The following KIAA1328 variants were observed in gnomAD, a reference collection of about 807,000 sequenced individuals.
KIAA1328 encodes KIAA1328.
Under a neutral mutation model 68.1 loss-of-function variants are expected in KIAA1328, and 52 were observed. The observed-to-expected ratio is 0.76, with a 90% CI of 0.61 to 0.96. The LOEUF (loss-of-function observed/expected upper bound fraction) is 0.96. KIAA1328 is among the 40% of genes least tolerant of loss of function. The probability of loss-of-function intolerance (pLI) is 0.00; values close to 1 mark genes in which losing one functional copy is unlikely to be tolerated. For synonymous variants in KIAA1328, 232 were observed against 239.4 expected (o/e 0.97, Z 0.28); for missense variants, 641 against 677.6 (o/e 0.95, Z 0.60).
Position 37,160,211 on chromosome 18 carries a change from C to T in KIAA1328, c.1244C>T (p.Ser415Leu), listed in dbSNP as rs2059248054. The stretch of plus-strand genomic sequence containing the variant: ...CGTTGTTCTTTCAGTTTATTGAAGT[C>T]AAACTGTGATGGCTGGCTGCTTGGA... ...SRLDYNCLLK[S>L]NCDGWLLGTS... The change falls in exon 8 of 10, where the codon TCA (serine) becomes TTA (leucine). Residue 415 changes from serine (S) to leucine (L), a missense_variant. Coordinates refer to ENST00000280020, the MANE Select transcript of KIAA1328 (RefSeq NM_020776.3). The T allele has an allele frequency of 3.7e-6, 6 of 1,611,664 alleles. No homozygotes were observed. Among genetic ancestry groups the T allele is most frequent in the Non-Finnish European group, 5.1e-6 (6 of 1,178,808 alleles).
chr18:37,223,584 C>T lies in KIAA1328; in HGVS notation c.*1357C>T. 1.0e-6 allele frequency: 1 copy of T among 985,298 alleles called. No homozygotes were observed. Among genetic ancestry groups the T allele is most frequent in the Non-Finnish European group, 1.2e-6 (1 of 829,924 alleles). The allele number at this position is 985,298 out of a possible 1,614,324, so 61.0% of individuals were successfully genotyped here. On this transcript the variant is annotated 3_prime_UTR_variant, in exon 10 of 10. Coordinates refer to ENST00000280020, the MANE Select transcript of KIAA1328 (RefSeq NM_020776.3). ...GTGGCTTTTTTTCTCTCCTTTTTACCAACCCCAACTAAACTGGGAGTAAGA... is the reference window on the plus strand; with the variant it reads ...GTGGCTTTTTTTCTCTCCTTTTTACTAACCCCAACTAAACTGGGAGTAAGA...
chr18:36,865,564 TC>T (rs1417382166), intron 4 of KIAA1328, among the ~76,000 whole-genome samples: 1 of 152,158 alleles, frequency 6.6e-6, no homozygotes, highest in Admixed American at 6.6e-5. Flanking sequence ...TTTAATATAT[TC>T]CCCCCTCGTT....
At chr18:37,027,300 A>T (rs1568309640) in intron 6 of KIAA1328, among the ~76,000 whole-genome samples, 1 of 152,204 alleles carries the variant, frequency 6.6e-6, no homozygotes, top group Non-Finnish European at 1.5e-5. Flanking sequence ...TGCCCAAGGT[A>T]ATTTATAGAT....
chr18:36,917,302 TCACCCTGGCAGCTCAAG>T (rs954844600), intron 5 of KIAA1328, among the ~76,000 whole-genome samples: 2 of 152,168 alleles, frequency 1.3e-5, no homozygotes, highest in African/African-American at 4.8e-5. Context: ...TCTTGCTATG[TCACCCTGGCAGCTCAAG>T]CAATCCTCCT....
chr18:37,059,251 G>A (rs1480667881), intron 6 of KIAA1328, among the ~76,000 whole-genome samples: 1 of 151,814 alleles, frequency 6.6e-6, no homozygotes, highest in Non-Finnish European at 1.5e-5. Context: ...AATAGCCTAA[G>A]TGCAACCTAC....
At chr18:37,054,971 G>T (rs2055851887) in intron 6 of KIAA1328, among the ~76,000 whole-genome samples, 1 of 152,128 alleles carries the variant, frequency 6.6e-6, no homozygotes, top group African/African-American at 2.4e-5. Context: ...TGTGCCTTCT[G>T]TGTGCCTATA....
intron 5 of KIAA1328, among the ~76,000 whole-genome samples, chr18:36,947,617 C>G (rs1568199470): frequency 6.6e-6 from 1 of 152,060 alleles, no homozygotes; most frequent in Non-Finnish European, 1.5e-5. Flanking sequence ...TTTATTATGC[C>G]TCATAGGTGG....
intron 5 of KIAA1328, among the ~76,000 whole-genome samples, chr18:36,929,120 A>G (rs1042407517): frequency 1.3e-5 from 2 of 152,158 alleles, no homozygotes; most frequent in Non-Finnish European, 2.9e-5. Flanking sequence ...TTCACTAAAT[A>G]CTTTAATTAT....
chr18:36,909,799 G>T (rs2049363198), intron 5 of KIAA1328, among the ~76,000 whole-genome samples: 1 of 152,164 alleles, frequency 6.6e-6, no homozygotes, highest in Non-Finnish European at 1.5e-5. Flanking sequence ...AGCACCTGTT[G>T]TTTCCTGACT....
In KIAA1328 at chr18:37,222,087, C is replaced by A; in HGVS notation, c.1594C>A (p.Pro532Thr). The A allele has an allele frequency of 6.2e-7, 1 of 1,613,690 alleles. No homozygotes were observed. The highest frequency in any genetic ancestry group is 8.5e-7 in the Non-Finnish European group (1 of 1,179,816). The change falls in exon 10 of 10, where the codon CCC (proline) becomes ACC (threonine). Residue 532 changes from proline to threonine, a missense_variant. Coordinates refer to ENST00000280020, the MANE Select transcript of KIAA1328 (RefSeq NM_020776.3). ...PNSAPKPQRY[P>T]SREAGAWNHG... is the part of the protein sequence containing the mutation. ...CTCTGCGCCCAAACCTCAGCGCTAT[C>A]CCTCCAGAGAAGCTGGGGCCTGGAA...
At chr18:37,024,208 G>A (rs945842786) in intron 6 of KIAA1328, among the ~76,000 whole-genome samples, 2 of 151,804 alleles carry the variant, frequency 1.3e-5, no homozygotes, top group Non-Finnish European at 2.9e-5. Flanking sequence ...TGATCGGGCT[G>A]GTCCTGAACG....
chr18:36,852,156 T>C lies in KIAA1328; in HGVS notation c.332+7854T>C, dbSNP rs889435791. ...GGTGGAAAAGGTACTTTGTATGTTT[T>C]CAGTCTTTTAAAATATATTGAGACT... On this transcript the variant is annotated intron_variant, in intron 4 of 9. Coordinates refer to ENST00000280020, the MANE Select transcript of KIAA1328 (RefSeq NM_020776.3). Among the ~76,000 whole-genome samples the C allele has an allele frequency of 4.6e-5, 7 of 152,206 alleles. No individual in the cohort carries two copies. In the South Asian group the frequency reaches 1.4e-3, roughly 31 times the overall value.
At chr18:37,099,792 G>C (rs1442470725) in intron 7 of KIAA1328, among the ~76,000 whole-genome samples, 1 of 152,114 alleles carries the variant, frequency 6.6e-6, no homozygotes, top group African/African-American at 2.4e-5. Context: ...AGGATGGTTG[G>C]CTCTTCTTGT....
intron 9 of KIAA1328, among the ~76,000 whole-genome samples, chr18:37,208,571 A>G (rs2060258563): frequency 6.6e-6 from 1 of 152,204 alleles, no homozygotes. Context: ...TGAGGATGAC[A>G]GAGCAGACGA....
chr18:37,057,992 T>C (rs948950400), intron 6 of KIAA1328, among the ~76,000 whole-genome samples: 1 of 152,102 alleles, frequency 6.6e-6, no homozygotes, highest in African/African-American at 2.4e-5. Flanking sequence ...AAGATAGTCA[T>C]AGGTAAAGAG....
intron 7 of KIAA1328, among the ~76,000 whole-genome samples, chr18:37,122,363 A>T (rs915131865): frequency 6.6e-6 from 1 of 152,078 alleles, no homozygotes; most frequent in Non-Finnish European, 1.5e-5. Context: ...AGTAATGACA[A>T]CAGGACTTAA....
chr18:37,098,509 C>A (rs1010498199), intron 7 of KIAA1328, among the ~76,000 whole-genome samples: 2 of 152,154 alleles, frequency 1.3e-5, no homozygotes, highest in Admixed American at 6.5e-5. Context: ...CATTGATGTT[C>A]ATGAGGTATA....
downstream of KIAA1328, chr18:37,225,420 T>A (rs2060628366): frequency 1.9e-6 from 1 of 523,974 alleles, no homozygotes; most frequent in East Asian, 1.5e-4. Context: ...ACCTGCAGGT[T>A]ATCAAAATGT....
chr18:36,889,975 GAGGAAACCAAGTTTTAGTT>G (rs2048627726), intron 5 of KIAA1328, among the ~76,000 whole-genome samples: 1 of 152,092 alleles, frequency 6.6e-6, no homozygotes, highest in Non-Finnish European at 1.5e-5. Context: ...TGCTCATTGG[GAGGAAACCAAGTTTTAGTT>G]TCCTCTCCCA....
Sources: gnomAD v4.1 joint callset for allele counts (sites outside exome capture counted in the v4.1 genomes callset) on GRCh38, gnomAD v4.1.1 for gene constraint, MANE v1.5 for transcripts, NCBI Gene and HGNC (gene_info 2026-07-23, HGNC 2026-07-21) for gene names.